Variants in MCTP1 observed in about 807,000 individuals in gnomAD.
MCTP1 encodes the protein multiple C2 and transmembrane domain-containing protein 1.
In MCTP1, 69 loss-of-function variants were observed where a neutral mutation model predicts 120.6. That is an observed-to-expected ratio of 0.57 (90% CI 0.47 to 0.70). The LOEUF is 0.70. Among genes scored for constraint, MCTP1 ranks in the 30% least tolerant of loss-of-function variants. The probability of loss-of-function intolerance (pLI) is 0.00; values close to 1 mark genes in which losing one functional copy is unlikely to be tolerated. For missense variants in MCTP1, 1,203 were observed against 1,248.8 expected (o/e 0.96, Z 0.55); for synonymous variants, 529 against 493.1 (o/e 1.07, Z -0.96).
At chr5:95,241,242 G>A (rs17349336) in intron 1 of MCTP1, among the ~76,000 whole-genome samples, 18,980 of 152,122 alleles carry the variant, frequency 0.12, 1,495 homozygotes, top group Non-Finnish European at 0.18. Context: ...TGGGAAATGT[G>A]CATCCAAAAC....
intron 17 of MCTP1, among the ~76,000 whole-genome samples, chr5:94,812,896 TTCTCTCTC>T (rs70978132): frequency 2.4e-4 from 35 of 147,322 alleles, no homozygotes; most frequent in African/African-American, 5.0e-4. Context: ...ACCAAAAGCA[TTCTCTCTC>T]TCTCTCTCTC....
intron 1 of MCTP1, among the ~76,000 whole-genome samples, chr5:95,092,747 C>G (rs900660812): frequency 2.6e-5 from 4 of 151,944 alleles, no homozygotes; most frequent in Non-Finnish European, 5.9e-5. Flanking sequence ...ATACCATTTT[C>G]AAAAATAATA....
chr5:94,835,819 A>G (rs1009551103), intron 17 of MCTP1, among the ~76,000 whole-genome samples: 1 of 152,168 alleles, frequency 6.6e-6, no homozygotes, highest in Non-Finnish European at 1.5e-5. Context: ...CCTGACTAAC[A>G]TGGTGAAACC....
At chr5:94,866,203 A>G (rs1796760277) in intron 17 of MCTP1, among the ~76,000 whole-genome samples, 1 of 151,914 alleles carries the variant, frequency 6.6e-6, no homozygotes, top group East Asian at 1.9e-4. Context: ...TGATTGGTTC[A>G]TAGATTGGTC....
chr5:94,717,886 A>C (rs1373252762), intron 19 of MCTP1, among the ~76,000 whole-genome samples: 1 of 152,116 alleles, frequency 6.6e-6, no homozygotes, highest in Admixed American at 6.5e-5. Context: ...CAAATGGGAA[A>C]ATATTCCATG....
At chr5:95,040,625 TC>T (rs1842180299) in intron 1 of MCTP1, among the ~76,000 whole-genome samples, 1 of 152,082 alleles carries the variant, frequency 6.6e-6, no homozygotes, top group African/African-American at 2.4e-5. Flanking sequence ...TTTCTACCTT[TC>T]CATGTCCAAA....
rs1823538233 is a variant in MCTP1, at chr5:94,959,395, AAT to A, written c.839-6036_839-6035del. 4.6e-5 allele frequency among the ~76,000 whole-genome samples: 7 copies of A among 152,326 alleles called. No homozygotes were observed. In the South Asian group the frequency reaches 1.4e-3, roughly 32 times the overall value. On this transcript the variant is annotated intron_variant, in intron 2 of 22. Transcript: ENST00000515393. The stretch of plus-strand genomic sequence containing the variant: ...ATGCCCTCTCTCACCACTCCTATTC[AAT>A]ATAGTATTGAAAGTTCCGGCCAGGG...
At chr5:95,053,699 C>T (rs186173745) in intron 1 of MCTP1, among the ~76,000 whole-genome samples, 4 of 152,212 alleles carry the variant, frequency 2.6e-5, no homozygotes, top group South Asian at 4.1e-4. Flanking sequence ...CTACCAGGTA[C>T]CAAGCAGTAG....
intron 18 of MCTP1, among the ~76,000 whole-genome samples, chr5:94,795,846 T>G (rs1298690902): frequency 1.3e-5 from 2 of 152,220 alleles, no homozygotes; most frequent in African/African-American, 2.4e-5. Flanking sequence ...TCTTTACTTA[T>G]TCTGTCCTTA....
At chr5:94,945,894 G>T (rs1267745012) in intron 3 of MCTP1, among the ~76,000 whole-genome samples, 1 of 152,172 alleles carries the variant, frequency 6.6e-6, no homozygotes, top group Non-Finnish European at 1.5e-5. Context: ...GAGGAAACTG[G>T]CCAGGGGCCA....
intron 1 of MCTP1, among the ~76,000 whole-genome samples, chr5:95,218,934 G>A (rs1753346676): frequency 6.6e-6 from 1 of 152,042 alleles, no homozygotes; most frequent in Non-Finnish European, 1.5e-5. Context: ...TAATCTTCTG[G>A]AACCACTATT....
intron 6 of MCTP1, 85 bp from the exon 7 acceptor site, chr5:94,924,106 C>A (rs1812400482): frequency 3.5e-6 from 3 of 845,708 alleles, no homozygotes; most frequent in Non-Finnish European, 5.2e-6. Context: ...AAAATCAAAG[C>A]AAATAAAAAA....
At chr5:95,032,125 A>G (rs1034582800) in intron 1 of MCTP1, among the ~76,000 whole-genome samples, 1 of 152,126 alleles carries the variant, frequency 6.6e-6, no homozygotes, top group Non-Finnish European at 1.5e-5. Context: ...AGAGATAACC[A>G]GCCATACAAT....
At chr5:95,195,290 C>T (rs1010959221) in intron 1 of MCTP1, among the ~76,000 whole-genome samples, 4 of 152,236 alleles carry the variant, frequency 2.6e-5, no homozygotes, top group Middle Eastern at 3.4e-3. Context: ...AATTTTGATA[C>T]GCCATATCTG....
chr5:95,236,522 A>G (rs1469017677), intron 1 of MCTP1, among the ~76,000 whole-genome samples: 1 of 152,182 alleles, frequency 6.6e-6, no homozygotes, highest in Non-Finnish European at 1.5e-5. Flanking sequence ...ACTGTCTAGT[A>G]GCCATATGCT....
At chr5:94,860,469 T>G (rs1795553265) in intron 17 of MCTP1, among the ~76,000 whole-genome samples, 1 of 151,694 alleles carries the variant, frequency 6.6e-6, no homozygotes, top group Non-Finnish European at 1.5e-5. Flanking sequence ...GAAGATAAAA[T>G]TCTTCGATCT....
At chr5:94,888,670 G>T (rs1303549776) in intron 12 of MCTP1, among the ~76,000 whole-genome samples, 1 of 152,152 alleles carries the variant, frequency 6.6e-6, no homozygotes, top group Non-Finnish European at 1.5e-5. Context: ...TTGTTTTTTA[G>T]TGTTTATTTT....
At chr5:95,198,131 G>A (rs966348473) in intron 1 of MCTP1, among the ~76,000 whole-genome samples, 9 of 151,854 alleles carry the variant, frequency 5.9e-5, no homozygotes, top group Admixed American at 6.6e-5. Context: ...ATATATGTGT[G>A]TGTATATATA....
At chr5:95,198,176 T>G (rs1430622282) in intron 1 of MCTP1, among the ~76,000 whole-genome samples, 1 of 152,158 alleles carries the variant, frequency 6.6e-6, no homozygotes, top group Non-Finnish European at 1.5e-5. Context: ...TATATGTAAA[T>G]GCATATCTAA....
Sources: gnomAD v4.1 joint callset for allele counts (sites outside exome capture counted in the v4.1 genomes callset) on GRCh38, gnomAD v4.1.1 for gene constraint, MANE v1.5 for transcripts, NCBI Gene and HGNC (gene_info 2026-07-23, HGNC 2026-07-21) for gene names.